The following CEP126 variants were observed in gnomAD, a reference collection of about 807,000 sequenced individuals.
CEP126 encodes the protein centrosomal protein of 126 kDa.
A neutral mutation model predicts 107.8 loss-of-function variants in CEP126; 74 were observed. The ratio of observed to expected loss-of-function variants is 0.69; its 90% CI spans 0.57 to 0.83. The LOEUF is 0.83. CEP126 is among the 40% of genes least tolerant of loss of function. CEP126 has a pLI of 0.00. For missense variants in CEP126, 1,237 were observed against 1,281.9 expected (o/e 0.96, Z 0.53); for synonymous variants, 449 against 446.0 (o/e 1.01, Z -0.08).
At chr11:101,993,259 G>T (rs1591297786) in intron 10 of CEP126, among the ~76,000 whole-genome samples, 2 of 152,082 alleles carry the variant, frequency 1.3e-5, no homozygotes, top group African/African-American at 2.4e-5. Flanking sequence ...CCGTCTTTGT[G>T]TTCATGTGTA....
intron 4 of CEP126, among the ~76,000 whole-genome samples, chr11:101,955,626 A>G (rs1331960440): frequency 1.3e-5 from 2 of 152,242 alleles, no homozygotes; most frequent in Non-Finnish European, 2.9e-5. Flanking sequence ...GTTTTTCAGT[A>G]CATGTGAGAG....
At chr11:101,916,453 CA>C (rs1940215573) in intron 1 of CEP126, 1 of 152,236 alleles carries the variant, frequency 6.6e-6, no homozygotes, top group Non-Finnish European at 1.5e-5. Context: ...TCCATCCCTT[CA>C]GTCTTTTCTT....
At chr11:101,952,549 G>T (rs922667986) in intron 4 of CEP126, among the ~76,000 whole-genome samples, 3 of 152,074 alleles carry the variant, frequency 2.0e-5, no homozygotes, top group Admixed American at 6.5e-5. Context: ...GATTAGATTT[G>T]GTCAGTGAAA....
chr11:101,953,134 T>C (rs967385015), intron 4 of CEP126, among the ~76,000 whole-genome samples: 2 of 152,226 alleles, frequency 1.3e-5, no homozygotes, highest in Admixed American at 1.3e-4. Flanking sequence ...GTTTTTGTAA[T>C]GGCTCCATAT....
At chr11:101,940,079 A>G (rs1432086026) in intron 2 of CEP126, among the ~76,000 whole-genome samples, 1 of 152,156 alleles carries the variant, frequency 6.6e-6, no homozygotes, top group Non-Finnish European at 1.5e-5. Flanking sequence ...GAAAAATACA[A>G]TAGTACAAAA....
intron 8 of CEP126, among the ~76,000 whole-genome samples, chr11:101,984,397 G>A (rs1194132537): frequency 3.9e-5 from 6 of 152,062 alleles, no homozygotes; most frequent in African/African-American, 7.2e-5. Context: ...ACCTCATTAC[G>A]TAAGCAAAAA....
At chr11:101,968,363 ATAAAACT>A (rs1205824098) in intron 6 of CEP126, among the ~76,000 whole-genome samples, 1 of 152,204 alleles carries the variant, frequency 6.6e-6, no homozygotes, top group African/African-American at 2.4e-5. Context: ...TTCCTTTGAG[ATAAAACT>A]TAAATATATA....
At chr11:101,990,069 A>G (rs569977448) in intron 9 of CEP126, among the ~76,000 whole-genome samples, 5 of 152,344 alleles carry the variant, frequency 3.3e-5, no homozygotes, top group African/African-American at 1.2e-4. Flanking sequence ...ACAAGCTGAT[A>G]TTAGAAATTG....
chr11:101,939,058 T>C lies in CEP126; in HGVS notation c.249-5207T>C, dbSNP rs182276802. ...GATTGTTGGGTATAAATTATTACTG[T>C]TCTATAAATATCAACTAGATTGACC... On this transcript the variant is annotated intron_variant, in intron 2 of 10. Coordinates refer to ENST00000263468, the MANE Select transcript of CEP126 (RefSeq NM_020802.4). Among the ~76,000 whole-genome samples the C allele has an allele frequency of 7.4e-4, 112 of 152,282 alleles. No individual in the cohort carries two copies. The East Asian group carries it at 0.019, about 26-fold the overall frequency.
In CEP126 at chr11:101,958,165, C is replaced by T. The variant is rs1940924317; in HGVS notation, c.507-3C>T. On this transcript the variant is annotated splice_polypyrimidine_tract_variant and splice_region_variant and intron_variant, in intron 4 of 10. Transcript: ENST00000263468. Reference sequence around the variant, plus strand: ...CTAAGCACTTTTTATGTCTGGTTCACAGAGCTATAGATTCTGCCTTGCCTT... The same window carrying T: ...CTAAGCACTTTTTATGTCTGGTTCATAGAGCTATAGATTCTGCCTTGCCTT... 6.2e-7 allele frequency: 1 copy of T among 1,611,882 alleles called. No individual in the cohort carries two copies. The highest frequency in any genetic ancestry group is 8.5e-7 in the Non-Finnish European group (1 of 1,179,084).
At position 101,915,397 on chromosome 11, in the gene CEP126, G is replaced by A; in HGVS notation, c.113G>A (p.Arg38Gln). The A allele has an allele frequency of 1.2e-6, 2 of 1,613,110 alleles. No individual in the cohort carries two copies. The highest frequency in any genetic ancestry group is 1.3e-5 in the African/African-American group (1 of 75,006). Residue 38 changes from arginine (R) to glutamine (Q), a missense_variant, in exon 1 of 11, where the codon CGA becomes CAA. Coordinates refer to ENST00000263468, the MANE Select transcript of CEP126 (RefSeq NM_020802.4). ...CCTCGGGAGAGCGGCGGGCATCACC[G>A]ACCTGGCTCTTACCTGTATCCTTCC... is the stretch of plus-strand genomic sequence containing the variant. ...LGPRESGGHH[R>Q]PGSYLDMKIH...
Position 101,985,982 on chromosome 11 carries a change from G to A in CEP126, c.3035-850G>A, listed in dbSNP as rs1941311626. ...AACAAACAGTGGGAAGTAAAACTCTGAATTGATTTCTTTTTTTTTTTTTTT... is the reference window on the plus strand; with the variant it reads ...AACAAACAGTGGGAAGTAAAACTCTAAATTGATTTCTTTTTTTTTTTTTTT... On this transcript the variant is annotated intron_variant, in intron 8 of 10. Transcript: ENST00000263468. Among the ~76,000 whole-genome samples, 3 of 142,316 alleles carry A rather than the reference G, an allele frequency of 2.1e-5. No individual in the cohort carries two copies. In the South Asian group the frequency reaches 7.0e-4, roughly 33 times the overall value. The allele number at this position is 142,316 out of a possible 152,430, so 93.4% of individuals were successfully genotyped here. A position where few individuals can be genotyped will look rare whatever the true frequency, so the allele number is the denominator to read the frequency against.
At chr11:101,924,999 T>C (rs1940386218) in intron 2 of CEP126, among the ~76,000 whole-genome samples, 1 of 152,212 alleles carries the variant, frequency 6.6e-6, no homozygotes, top group Non-Finnish European at 1.5e-5. Context: ...TCCTCAAGTT[T>C]TCCATTCTCT....
chr11:101,939,287 G>A (rs1189500206), intron 2 of CEP126, among the ~76,000 whole-genome samples: 2 of 152,040 alleles, frequency 1.3e-5, no homozygotes, highest in Non-Finnish European at 2.9e-5. Flanking sequence ...TAATTTTTGT[G>A]TCTTCCTGAT....
At position 101,961,725 on chromosome 11, in the gene CEP126, T is replaced by C. The variant is rs1940971629; in HGVS notation, c.706-16T>C. 2 of 1,376,480 alleles carry C rather than the reference T, an allele frequency of 1.5e-6. No individual in the cohort carries two copies. The highest frequency in any genetic ancestry group is 4.6e-5 in the Admixed American group (2 of 43,636). 85.3% of individuals were successfully genotyped at this position (1,376,480 alleles called of 1,614,324 possible). On this transcript the variant is annotated splice_polypyrimidine_tract_variant and intron_variant, in intron 5 of 10. Coordinates refer to ENST00000263468, the MANE Select transcript of CEP126 (RefSeq NM_020802.4). ...AAAGTTTATAAGCTATAAAACAATG[T>C]TCTTTTTTTTTCCAGAAATTTTGTG...
At chr11:101,994,162 G>C (rs1482809473) in intron 10 of CEP126, among the ~76,000 whole-genome samples, 3 of 152,184 alleles carry the variant, frequency 2.0e-5, no homozygotes, top group Non-Finnish European at 4.4e-5. Context: ...TTGAAACTGA[G>C]AGGCAAAGGT....
chr11:101,954,495 T>A (rs1167852808), intron 4 of CEP126, among the ~76,000 whole-genome samples: 1 of 152,182 alleles, frequency 6.6e-6, no homozygotes, highest in Non-Finnish European at 1.5e-5. Context: ...TATGCTAGGA[T>A]CATTAAATAA....
intron 8 of CEP126, among the ~76,000 whole-genome samples, chr11:101,984,914 C>T (rs1941298652): frequency 6.6e-6 from 1 of 152,186 alleles, no homozygotes; most frequent in Non-Finnish European, 1.5e-5. Context: ...GGAAGCCTGC[C>T]ATTGTTCCTT....
intron 2 of CEP126, among the ~76,000 whole-genome samples, chr11:101,937,361 C>T (rs1209762179): frequency 6.6e-6 from 1 of 152,178 alleles, no homozygotes; most frequent in Non-Finnish European, 1.5e-5. Context: ...GAAAAAATAA[C>T]GTGTTCAAGG....
Sources: gnomAD v4.1 joint callset for allele counts (sites outside exome capture counted in the v4.1 genomes callset) on GRCh38, gnomAD v4.1.1 for gene constraint, MANE v1.5 for transcripts, NCBI Gene and HGNC (gene_info 2026-07-23, HGNC 2026-07-21) for gene names.